Variants in UIMC1 observed in about 807,000 individuals in gnomAD.
UIMC1 encodes ubiquitin interaction motif containing 1.
In UIMC1, 42 loss-of-function variants were observed where a neutral mutation model predicts 84.9. That is an observed-to-expected ratio of 0.49 (90% CI 0.39 to 0.64). The LOEUF is 0.64. Ranked by LOEUF, UIMC1 falls within the 30% of genes least tolerant of loss-of-function variation. The probability of loss-of-function intolerance (pLI) is 0.00; values close to 1 mark genes in which losing one functional copy is unlikely to be tolerated. For synonymous variants in UIMC1, 281 were observed against 293.0 expected (o/e 0.96, Z 0.42); for missense variants, 825 against 847.6 (o/e 0.97, Z 0.33).
chr5:176,951,573 G>C lies in UIMC1; in HGVS notation c.1344C>G (p.Thr448=). Residue 448 remains threonine (T), a synonymous_variant, in exon 9 of 15, where the codon ACC becomes ACG. Coordinates refer to ENST00000511320, the MANE Select transcript of UIMC1 (RefSeq NM_001199298.2). ...SAEEITVCPE[T]QLSSSETFDL... Reference sequence around the variant, plus strand: ...CAAAAGTTTCAGAGGAACTTAGCTGGGTCTCTGTAATTTAAAAAAGTTAAA... The same window carrying C: ...CAAAAGTTTCAGAGGAACTTAGCTGCGTCTCTGTAATTTAAAAAAGTTAAA... The C allele has an allele frequency of 6.4e-7, 1 of 1,564,180 alleles. No homozygotes were observed.
chr5:176,974,736 C>T (rs1261440142), intron 3 of UIMC1, among the ~76,000 whole-genome samples: 1 of 151,988 alleles, frequency 6.6e-6, no homozygotes, highest in Non-Finnish European at 1.5e-5. Flanking sequence ...CGTTATGAAC[C>T]CGGGAGGCAG....
In UIMC1 at chr5:176,905,330, A is replaced by C. The variant is rs749116972; in HGVS notation, c.2112T>G (p.Gly704=). The stretch of plus-strand genomic sequence containing the variant: ...TGCCAGCTTTGGTCCGTGTCCGACT[A>C]CCTGGCTGGACAGTAACTTGCTTTT... ...DFKKQVTVQP[G]SRTRTKAGRG... Residue 704 remains glycine (G), a synonymous_variant, in exon 15 of 15, where the codon GGT becomes GGG. Coordinates refer to ENST00000511320, the MANE Select transcript of UIMC1 (RefSeq NM_001199298.2). 35 of 1,614,020 alleles carry C rather than the reference A, an allele frequency of 2.2e-5. No homozygotes were observed. Among genetic ancestry groups the C allele is most frequent in the Non-Finnish European group, 2.8e-5 (33 of 1,179,998 alleles).
intron 1 of UIMC1, among the ~76,000 whole-genome samples, chr5:177,015,285 T>C (rs1479577147): frequency 6.6e-6 from 1 of 152,180 alleles, no homozygotes; most frequent in Non-Finnish European, 1.5e-5. Context: ...TAAGATCACA[T>C]AACTCATGCA....
At chr5:176,979,890 G>A (rs757649207) in intron 2 of UIMC1, among the ~76,000 whole-genome samples, 1 of 152,184 alleles carries the variant, frequency 6.6e-6, no homozygotes, top group Non-Finnish European at 1.5e-5. Context: ...CTGTCCGGGT[G>A]TTTGCAGAGG....
chr5:176,951,905 CA>C (rs1435579497), intron 8 of UIMC1, among the ~76,000 whole-genome samples: 6 of 152,330 alleles, frequency 3.9e-5, no homozygotes, highest in African/African-American at 1.2e-4. Flanking sequence ...CCTCTGCAGT[CA>C]ATCTCCTACC....
At chr5:176,918,985 C>A (rs532089174) in intron 10 of UIMC1, among the ~76,000 whole-genome samples, 1 of 152,164 alleles carries the variant, frequency 6.6e-6, no homozygotes. Flanking sequence ...GACATATTTT[C>A]CTAGTCGGTT....
At position 176,943,351 on chromosome 5, in the gene UIMC1, C is replaced by G; in HGVS notation, c.1581G>C (p.Leu527=). 3 of 1,613,976 alleles carry G rather than the reference C, an allele frequency of 1.9e-6. No homozygotes were observed. The highest frequency in any genetic ancestry group is 2.5e-6 in the Non-Finnish European group (3 of 1,179,966). ...IERHAMYCNG[L]MEEDTVLTRR... ...GGTCTTTACCTGTATCTTCCTCCAT[C>G]AGACCATTGCAGTACATGGCATGTC... Residue 527 remains leucine, a synonymous_variant, in exon 10 of 15, where the codon CTG becomes CTC. Coordinates refer to ENST00000511320, the MANE Select transcript of UIMC1 (RefSeq NM_001199298.2).
upstream of UIMC1, among the ~76,000 whole-genome samples, chr5:177,008,351 C>G (rs1015624592): frequency 6.6e-6 from 1 of 152,126 alleles, no homozygotes; most frequent in Non-Finnish European, 1.5e-5. Flanking sequence ...CCTTCCTCAG[C>G]TGCTGGGACA....
intron 2 of UIMC1, among the ~76,000 whole-genome samples, chr5:176,981,144 G>GTTTTTTTTTTTTA (rs1770976425): frequency 7.6e-6 from 1 of 132,280 alleles, no homozygotes; most frequent in Non-Finnish European, 1.6e-5. Context: ...TGTTTTGTTG[G>GTTTTTTTTTTTTA]TTTTTTTTTT....
At chr5:176,956,734 A>T (rs906975912) in intron 7 of UIMC1, among the ~76,000 whole-genome samples, 73 of 151,846 alleles carry the variant, frequency 4.8e-4, no homozygotes, top group Non-Finnish European at 7.8e-4. Flanking sequence ...CTTTACGATT[A>T]GTTTGATCAA....
At chr5:177,004,485 A>G (rs1214400321) in intron 1 of UIMC1, among the ~76,000 whole-genome samples, 1 of 152,210 alleles carries the variant, frequency 6.6e-6, no homozygotes, top group African/African-American at 2.4e-5. Flanking sequence ...AGAACTCACT[A>G]AAATAATGGT....
At chr5:176,991,095 C>T (rs931858838) in intron 1 of UIMC1, among the ~76,000 whole-genome samples, 1 of 152,058 alleles carries the variant, frequency 6.6e-6, no homozygotes, top group Non-Finnish European at 1.5e-5. Flanking sequence ...GCAAGCTCTG[C>T]CTCCCAGGTT....
intron 1 of UIMC1, among the ~76,000 whole-genome samples, chr5:177,003,682 AAACTT>A (rs1158434827): frequency 2.0e-5 from 3 of 152,158 alleles, no homozygotes; most frequent in South Asian, 4.1e-4. Context: ...AACAAACAAA[AAACTT>A]AAGGTAATCC....
chr5:176,956,946 CTAT>C, intron 7 of UIMC1, among the ~76,000 whole-genome samples: 1 of 152,280 alleles, frequency 6.6e-6, no homozygotes, highest in South Asian at 2.1e-4. Context: ...CATTAGTGCT[CTAT>C]TCAAAGGGTC....
At chr5:177,005,773 A>G (rs540437696) in intron 1 of UIMC1, among the ~76,000 whole-genome samples, 50 of 152,238 alleles carry the variant, frequency 3.3e-4, no homozygotes, top group African/African-American at 1.1e-3. Flanking sequence ...TGTCATTTCT[A>G]TATCTCGGTG....
At chr5:177,006,883 C>G (rs1046144155), upstream of UIMC1, 7 of 152,248 alleles carry the variant, frequency 4.6e-5, no homozygotes, top group African/African-American at 1.7e-4. Context: ...CCGGCTCGCA[C>G]CTTGCGCGGT....
At chr5:176,940,937 C>A (rs1024112342) in intron 10 of UIMC1, among the ~76,000 whole-genome samples, 1 of 152,170 alleles carries the variant, frequency 6.6e-6, no homozygotes, top group African/African-American at 2.4e-5. Flanking sequence ...CAGGGTCACA[C>A]ACTAGTAAGT....
upstream of UIMC1, among the ~76,000 whole-genome samples, chr5:177,007,876 A>G (rs1775432298): frequency 1.3e-5 from 2 of 152,140 alleles, no homozygotes; most frequent in South Asian, 4.1e-4. Context: ...GGGCCAAGGT[A>G]GGCAGATCAC....
chr5:176,912,022 T>C (rs1194671104), intron 10 of UIMC1, among the ~76,000 whole-genome samples: 1 of 152,242 alleles, frequency 6.6e-6, no homozygotes, highest in Non-Finnish European at 1.5e-5. Flanking sequence ...GGTTATTTAA[T>C]CAAGTGTTTT....
Sources: gnomAD v4.1 joint callset for allele counts (sites outside exome capture counted in the v4.1 genomes callset) on GRCh38, gnomAD v4.1.1 for gene constraint, MANE v1.5 for transcripts, NCBI Gene and HGNC (gene_info 2026-07-23, HGNC 2026-07-21) for gene names.